Variants in C1orf21 observed in about 807,000 individuals in gnomAD.
C1orf21 encodes the protein uncharacterized protein C1orf21.
Under a neutral mutation model 18.7 loss-of-function variants are expected in C1orf21, and 3 were observed. The ratio of observed to expected loss-of-function variants is 0.16; its 90% CI spans 0.07 to 0.42. The LOEUF (loss-of-function observed/expected upper bound fraction) is 0.42. C1orf21 is among the 10% of genes least tolerant of loss of function. C1orf21 has a pLI of 0.99. For missense variants in C1orf21, 104 were observed against 143.6 expected, an observed-to-expected ratio of 0.72 and a Z score of 1.41; for synonymous variants, 41 against 46.4, an observed-to-expected ratio of 0.88 and a Z score of 0.47.
At chr1:184,433,545 C>G (rs1656806024) in intron 1 of C1orf21, among the ~76,000 whole-genome samples, 1 of 152,144 alleles carries the variant, frequency 6.6e-6, no homozygotes, top group African/African-American at 2.4e-5. Flanking sequence ...CAGTCTCTTC[C>G]TATCTTCCTA....
chr1:184,584,162 G>A (rs112999745), intron 3 of C1orf21, among the ~76,000 whole-genome samples: 1,347 of 115,840 alleles, frequency 0.012, 12 homozygotes, highest in Non-Finnish European at 0.015. Context: ...TTTTAAGAAA[G>A]CAGATCTCTT....
intron 1 of C1orf21, among the ~76,000 whole-genome samples, chr1:184,390,270 C>A (rs1054067150): frequency 3.9e-5 from 6 of 152,128 alleles, no homozygotes; most frequent in Admixed American, 1.3e-4. Context: ...CTGTTTCATT[C>A]TGCACCTCCT....
intron 2 of C1orf21, among the ~76,000 whole-genome samples, chr1:184,481,528 G>T (rs1438816297): frequency 1.3e-5 from 2 of 152,150 alleles, no homozygotes; most frequent in Admixed American, 1.3e-4. Context: ...TACAGCAAGG[G>T]TATAGGTGCA....
chr1:184,610,936 G>A (rs1571301192), intron 5 of C1orf21, among the ~76,000 whole-genome samples: 1 of 151,784 alleles, frequency 6.6e-6, no homozygotes, highest in African/African-American at 2.4e-5. Context: ...TGGGGGTTTC[G>A]AAGCTGTTTA....
At chr1:184,576,173 G>A (rs1244396619) in intron 3 of C1orf21, among the ~76,000 whole-genome samples, 1 of 151,346 alleles carries the variant, frequency 6.6e-6, no homozygotes, top group Admixed American at 6.6e-5. Context: ...CACCCAGGCT[G>A]GAGTGCAGTA....
intron 1 of C1orf21, among the ~76,000 whole-genome samples, chr1:184,464,889 A>G (rs1657364428): frequency 1.3e-5 from 2 of 152,148 alleles, no homozygotes; most frequent in Non-Finnish European, 2.9e-5. Context: ...ACCCCTAGTA[A>G]GTTATCTAAA....
chr1:184,551,291 A>G (rs1017547613), intron 3 of C1orf21, among the ~76,000 whole-genome samples: 3 of 152,222 alleles, frequency 2.0e-5, no homozygotes, highest in Non-Finnish European at 4.4e-5. Flanking sequence ...CCTAACTAAT[A>G]ATGGGATGGG....
intron 1 of C1orf21, among the ~76,000 whole-genome samples, chr1:184,399,229 G>T (rs1221862811): frequency 1.3e-5 from 2 of 151,560 alleles, no homozygotes; most frequent in Non-Finnish European, 2.9e-5. Context: ...CATCTTCTTT[G>T]TTGCTGTTTT....
chr1:184,402,178 C>G (rs192358659), intron 1 of C1orf21, among the ~76,000 whole-genome samples: 1 of 152,240 alleles, frequency 6.6e-6, no homozygotes. Flanking sequence ...GTTTCAAGGT[C>G]TCAGTAGCCA....
chr1:184,597,865 A>G lies in C1orf21; in HGVS notation c.267-536A>G, dbSNP rs191701986. Among the ~76,000 whole-genome samples, 263 of 152,314 alleles carry G rather than the reference A, an allele frequency of 1.7e-3. 6 individuals are homozygous for G. Among genetic ancestry groups the G allele is most frequent in the Admixed American group, 0.017 (262 of 15,304 alleles). On this transcript the variant is annotated intron_variant, in intron 4 of 5. Coordinates refer to ENST00000235307, the MANE Select transcript of C1orf21 (RefSeq NM_030806.4). ...AGTGGAATTGTGTTTTCAGAGGTGT[A>G]TCTGCTGCCACCAGTGCAGAAAGTG...
chr1:184,398,932 A>C lies in C1orf21; in HGVS notation c.-125+11564A>C, dbSNP rs190650412. ...CTGTATGTATTTCTAAAAGATACAG[A>C]GTCGTTTTCCTTTTAAAATAATCAT... On this transcript the variant is annotated intron_variant, in intron 1 of 5. Coordinates refer to ENST00000235307, the MANE Select transcript of C1orf21 (RefSeq NM_030806.4). Among the ~76,000 whole-genome samples the C allele has an allele frequency of 3.2e-3, 480 of 152,328 alleles. 1 individual carries two copies. The highest frequency in any genetic ancestry group is 5.4e-3 in the Non-Finnish European group (368 of 68,032).
chr1:184,615,365 C>T (rs1659805690), intron 5 of C1orf21, among the ~76,000 whole-genome samples: 1 of 152,184 alleles, frequency 6.6e-6, no homozygotes, highest in African/African-American at 2.4e-5. Flanking sequence ...CCTTCTTTGT[C>T]ACCATCACTA....
chr1:184,513,495 C>T (rs549943842), intron 3 of C1orf21, among the ~76,000 whole-genome samples: 5 of 152,218 alleles, frequency 3.3e-5, no homozygotes, highest in Non-Finnish European at 7.3e-5. Flanking sequence ...TATGAAAATA[C>T]GTTCCGTATC....
chr1:184,466,503 A>G (rs770975834), intron 1 of C1orf21, among the ~76,000 whole-genome samples: 8 of 152,212 alleles, frequency 5.3e-5, no homozygotes, highest in Non-Finnish European at 1.2e-4. Context: ...TACAAAATCA[A>G]TGAAGTTCCC....
intron 2 of C1orf21, among the ~76,000 whole-genome samples, chr1:184,503,755 A>T (rs1415169060): frequency 6.6e-6 from 1 of 152,208 alleles, no homozygotes; most frequent in Non-Finnish European, 1.5e-5. Context: ...GTCAGACCCC[A>T]TTCCTTCCAA....
chr1:184,508,033 A>G (rs191726391), intron 3 of C1orf21, among the ~76,000 whole-genome samples: 2 of 152,274 alleles, frequency 1.3e-5, no homozygotes, highest in Admixed American at 1.3e-4. Flanking sequence ...CCAAATCAGG[A>G]TGAATGGTTG....
rs200095614 is a variant in C1orf21, at chr1:184,477,525, G to A, written c.16G>A (p.Ala6Thr). The A allele has an allele frequency of 4.2e-5, 68 of 1,613,864 alleles. No homozygotes were observed. The highest frequency in any genetic ancestry group is 1.7e-5 in the Admixed American group (1 of 59,986). Residue 6 changes from alanine (A) to threonine (T), a missense_variant, in exon 2 of 6, where the codon GCC becomes ACC. By Grantham distance (58) the Ala-to-Thr change is moderately conservative (BLOSUM62 0). Transcript: ENST00000235307. MGCAS[A>T]KHVATVQNEE... ...GAATGAGACTATGGGCTGTGCCTCC[G>A]CCAAGCATGTTGCCACTGTTCAAAA... is the stretch of plus-strand genomic sequence containing the variant.
intron 5 of C1orf21, among the ~76,000 whole-genome samples, chr1:184,603,847 A>G (rs963875870): frequency 6.6e-6 from 1 of 152,252 alleles, no homozygotes; most frequent in African/African-American, 2.4e-5. Context: ...GTAGACCTCT[A>G]CATCTATTGA....
intron 1 of C1orf21, among the ~76,000 whole-genome samples, chr1:184,455,938 G>A (rs1026696007): frequency 1.3e-5 from 2 of 152,162 alleles, no homozygotes; most frequent in Non-Finnish European, 2.9e-5. Flanking sequence ...TGAGCCCTGA[G>A]AGGAATGTGT....
Sources: allele counts gnomAD v4.1 joint callset (sites outside exome capture counted in the v4.1 genomes callset), GRCh38; gene constraint gnomAD v4.1.1; transcripts MANE v1.5; gene names NCBI Gene and HGNC (gene_info 2026-07-23, HGNC 2026-07-21).